Variants in ZKSCAN1 observed in about 807,000 individuals in gnomAD.
The protein encoded by ZKSCAN1 is zinc finger protein with KRAB and SCAN domains 1.
A neutral mutation model predicts 51.6 loss-of-function variants in ZKSCAN1; 14 were observed. The observed-to-expected ratio is 0.27, with a 90% CI of 0.18 to 0.42. The LOEUF (loss-of-function observed/expected upper bound fraction) is 0.42. ZKSCAN1 is among the 10% of genes least tolerant of loss of function. The probability of loss-of-function intolerance (pLI) is 1.00; values close to 1 mark genes in which losing one functional copy is unlikely to be tolerated. For synonymous variants in ZKSCAN1, 263 were observed against 261.5 expected (o/e 1.01, Z -0.06); for missense variants, 531 against 710.0 (o/e 0.75, Z 2.86).
At position 100,037,471 on chromosome 7, in the gene ZKSCAN1, C is replaced by T. The variant is rs907696319; in HGVS notation, c.*3274C>T. On this transcript the variant is annotated 3_prime_UTR_variant, in exon 6 of 6. Transcript: ENST00000324306. ...TGCTAAATATGTATAGAGAGGTTGA[C>T]GTGTGATACGTGGGACAGTTCACAT... The T allele has an allele frequency of 1.0e-6, 1 of 985,294 alleles. No individual in the cohort carries two copies. The highest frequency in any genetic ancestry group is 4.7e-5 in the South Asian group (1 of 21,282). The allele number at this position is 985,294 out of a possible 1,614,324, so 61.0% of individuals were successfully genotyped here.
In ZKSCAN1 at chr7:100,041,111, G is replaced by A. The variant is rs771863825; in HGVS notation, c.*6914G>A. On this transcript the variant is annotated 3_prime_UTR_variant, in exon 6 of 6. Coordinates refer to ENST00000324306, the MANE Select transcript of ZKSCAN1 (RefSeq NM_003439.4). ...TAAATCTATATAGAGGGCTAACTCA[G>A]GCATTGTCTTGTTTATTTGTAGACT... The A allele has an allele frequency of 1.2e-6, 1 of 850,894 alleles. No homozygotes were observed. The highest frequency in any genetic ancestry group is 1.4e-6 in the Non-Finnish European group (1 of 707,506). 52.7% of individuals were successfully genotyped at this position (850,894 alleles called of 1,614,324 possible).
In ZKSCAN1 at chr7:100,039,688, TAACAGAACTGAAATACACTTA is replaced by T. The variant is rs1267538159; in HGVS notation, c.*5497_*5517del. 6 of 985,354 alleles carry T rather than the reference TAACAGAACTGAAATACACTTA, an allele frequency of 6.1e-6. No individual in the cohort carries two copies. Among genetic ancestry groups the T allele is most frequent in the Middle Eastern group, 5.2e-4 (1 of 1,914 alleles). The allele number at this position is 985,354 out of a possible 1,614,324, so 61.0% of individuals were successfully genotyped here. A position where few individuals can be genotyped will look rare whatever the true frequency, so the allele number is the denominator to read the frequency against. The stretch of plus-strand genomic sequence containing the variant: ...GGAAGACTGTGTGTATGAATTGGAG[TAACAGAACTGAAATACACTTA>T]AACAGTGACAGCAGTACTTCCCAGG... On this transcript the variant is annotated 3_prime_UTR_variant, in exon 6 of 6. Coordinates refer to ENST00000324306, the MANE Select transcript of ZKSCAN1 (RefSeq NM_003439.4).
intron 5 of ZKSCAN1, among the ~76,000 whole-genome samples, chr7:100,031,946 G>T (rs1166414035): frequency 6.6e-6 from 1 of 152,202 alleles, no homozygotes; most frequent in Non-Finnish European, 1.5e-5. Flanking sequence ...AGGCGGGGTG[G>T]TGCAGGCCTA....
At position 100,037,951 on chromosome 7, in the gene ZKSCAN1, C is replaced by T. The variant is rs887350619; in HGVS notation, c.*3754C>T. 117 of 903,876 alleles carry T rather than the reference C, an allele frequency of 1.3e-4. 1 individual carries two copies. The highest frequency in any genetic ancestry group is 1.1e-3 in the Middle Eastern group (2 of 1,748). The allele number at this position is 903,876 out of a possible 1,614,324, so 56.0% of individuals were successfully genotyped here. A position where few individuals can be genotyped will look rare whatever the true frequency, so the allele number is the denominator to read the frequency against. The stretch of plus-strand genomic sequence containing the variant: ...AGGAGAATGGCTTGAACCTGCGAGG[C>T]GGAGGTTGCAGTGAGCTAAGATCAT... On this transcript the variant is annotated 3_prime_UTR_variant, in exon 6 of 6. Coordinates refer to ENST00000324306, the MANE Select transcript of ZKSCAN1 (RefSeq NM_003439.4).
In ZKSCAN1 at chr7:100,037,765, C is replaced by T; in HGVS notation, c.*3568C>T. ...GGGCGCCGTGGCTCACGCCTGTAAT[C>T]GCAGCACTTTGGGAGGCCGAGGCAG... On this transcript the variant is annotated 3_prime_UTR_variant, in exon 6 of 6. Coordinates refer to ENST00000324306, the MANE Select transcript of ZKSCAN1 (RefSeq NM_003439.4). 3 of 976,944 alleles carry T rather than the reference C, an allele frequency of 3.1e-6. No individual in the cohort carries two copies. Among genetic ancestry groups the T allele is most frequent in the Non-Finnish European group, 3.6e-6 (3 of 822,270 alleles). The allele number at this position is 976,944 out of a possible 1,614,324, so 60.5% of individuals were successfully genotyped here. A position where few individuals can be genotyped will look rare whatever the true frequency, so the allele number is the denominator to read the frequency against.
At chr7:100,030,701 G>A (rs973760700) in intron 5 of ZKSCAN1, among the ~76,000 whole-genome samples, 8 of 57,882 alleles carry the variant, frequency 1.4e-4, no homozygotes, top group African/African-American at 6.4e-4. Context: ...CAATTTAGGT[G>A]CCTCTGTCGG....
chr7:100,037,174 G>C lies in ZKSCAN1; in HGVS notation c.*2977G>C. ...CTTGCAACATCTAATTGGCGTTCAA[G>C]ATAGTCATTCAAAAGTTCTTGGCCC... is the stretch of plus-strand genomic sequence containing the variant. On this transcript the variant is annotated 3_prime_UTR_variant, in exon 6 of 6. Transcript: ENST00000324306. 1 of 985,468 alleles carries C rather than the reference G, an allele frequency of 1.0e-6. No individual in the cohort carries two copies. The highest frequency in any genetic ancestry group is 1.2e-6 in the Non-Finnish European group (1 of 829,936). The allele number at this position is 985,468 out of a possible 1,614,324, so 61.0% of individuals were successfully genotyped here. A position where few individuals can be genotyped will look rare whatever the true frequency, so the allele number is the denominator to read the frequency against.
At chr7:100,032,388 C>T (rs1380097025) in intron 5 of ZKSCAN1, among the ~76,000 whole-genome samples, 2 of 152,280 alleles carry the variant, frequency 1.3e-5, no homozygotes, top group Middle Eastern at 3.4e-3. Context: ...GCTCATTCCC[C>T]TTGTGTCTGT....
At chr7:100,030,131 C>T (rs1012009669) in intron 4 of ZKSCAN1, 118 bp from the exon 5 acceptor site, 32 of 1,500,886 alleles carry the variant, frequency 2.1e-5, no homozygotes, top group South Asian at 3.8e-5. Context: ...TTCTGGCCAC[C>T]CTTTTCTTCC....
chr7:100,027,502 G>A (rs565865267), intron 3 of ZKSCAN1, among the ~76,000 whole-genome samples: 15 of 151,728 alleles, frequency 9.9e-5, no homozygotes, highest in Non-Finnish European at 1.9e-4. Context: ...TGTAATTCCA[G>A]CACTTTGGGA....
intron 1 of ZKSCAN1, among the ~76,000 whole-genome samples, chr7:100,023,199 C>T (rs1346136585): frequency 2.6e-5 from 4 of 151,980 alleles, no homozygotes; most frequent in African/African-American, 2.4e-5. Flanking sequence ...TTAGTAGAGA[C>T]GGGGTTTCAC....
chr7:100,042,106 G>T (rs1415897646), downstream of ZKSCAN1, among the ~76,000 whole-genome samples: 1 of 152,098 alleles, frequency 6.6e-6, no homozygotes, highest in Non-Finnish European at 1.5e-5. Flanking sequence ...ATCACCTGAG[G>T]CCAGGAGTTC....
rs1470443970 is a variant in ZKSCAN1 at position 100,041,181 on chromosome 7, C to T, written c.*6984C>T. 1.7e-5 allele frequency: 12 copies of T among 726,964 alleles called. No individual in the cohort carries two copies. The highest frequency in any genetic ancestry group is 1.3e-4 in the East Asian group (1 of 7,634). The allele number at this position is 726,964 out of a possible 1,614,324, so 45.0% of individuals were successfully genotyped here. On this transcript the variant is annotated 3_prime_UTR_variant, in exon 6 of 6. Transcript: ENST00000324306. ...CTGTTTTGTCAGTTCCCAGCTTCTT[C>T]GTTTAGAATAAATTAGACCAAAAGA...
At position 100,033,617 on chromosome 7, in the gene ZKSCAN1, C is replaced by T. The variant is rs761267013; in HGVS notation, c.1112C>T (p.Pro371Leu). Residue 371 changes from proline (P) to leucine (L), a missense_variant, in exon 6 of 6, where the codon CCC becomes CTC. Pro to Leu is a moderately conservative substitution (Grantham distance 98). Around this residue, in one of 2 missense-constraint regions of ZKSCAN1, gnomAD observed 403 missense variants for 490.5 expected, o/e 0.82. Transcript: ENST00000324306. The surrounding 1 kb of genome is among the most constrained non-coding windows in gnomAD (Gnocchi z 4.1). ...SSNFTTPEEV[P>L]TGTKSHRCDE... ...AACTTCACCACCCCTGAAGAAGTTC[C>T]CACGGGAACAAAGTCTCACAGATGT... 2 of 1,614,202 alleles carry T rather than the reference C, an allele frequency of 1.2e-6. No homozygotes were observed. The highest frequency in any genetic ancestry group is 2.2e-5 in the East Asian group (1 of 44,890).
At chr7:100,018,339 A>G (rs13228844) in intron 1 of ZKSCAN1, among the ~76,000 whole-genome samples, 79 of 152,202 alleles carry the variant, frequency 5.2e-4, no homozygotes, top group Middle Eastern at 3.4e-3. Flanking sequence ...TACAAAGAGG[A>G]CTGCTCTTAA....
intron 1 of ZKSCAN1, among the ~76,000 whole-genome samples, chr7:100,018,766 T>C (rs1790479622): frequency 6.6e-6 from 1 of 152,298 alleles, no homozygotes; most frequent in Non-Finnish European, 1.5e-5. Context: ...GCTCAGATCA[T>C]CTGGGAAACC....
intron 1 of ZKSCAN1, among the ~76,000 whole-genome samples, chr7:100,021,865 C>T (rs1266626713): frequency 6.6e-6 from 1 of 151,912 alleles, no homozygotes; most frequent in Non-Finnish European, 1.5e-5. Context: ...CCACCTTAGC[C>T]TCCTGAGTAG....
In ZKSCAN1 at chr7:100,040,430, T is replaced by C; in HGVS notation, c.*6233T>C. 1.0e-6 allele frequency: 1 copy of C among 985,452 alleles called. No individual in the cohort carries two copies. 61.0% of individuals were successfully genotyped at this position (985,452 alleles called of 1,614,324 possible). A position where few individuals can be genotyped will look rare whatever the true frequency, so the allele number is the denominator to read the frequency against. ...GTGAATACGTTTTTAAAATGGAATT[T>C]TCTCCCTTCAGCAAGCACTCATTAA... On this transcript the variant is annotated 3_prime_UTR_variant, in exon 6 of 6. Transcript: ENST00000324306.
At chr7:100,041,962 C>T (rs1791609949), downstream of ZKSCAN1, among the ~76,000 whole-genome samples, 1 of 152,118 alleles carries the variant, frequency 6.6e-6, no homozygotes, top group Non-Finnish European at 1.5e-5. Flanking sequence ...GAAGGGGGAG[C>T]CAAACATGCC....
Sources: gnomAD v4.1 joint callset for allele counts (sites outside exome capture counted in the v4.1 genomes callset) on GRCh38, gnomAD v4.1.1 for gene constraint, gnomAD v4.1.1 regional missense constraint, Gnocchi (gnomAD v3.1) non-coding constraint, MANE v1.5 for transcripts, NCBI Gene and HGNC (gene_info 2026-07-23, HGNC 2026-07-21) for gene names.